ABCB4: variants seen among roughly 807,000 people sequenced by gnomAD.
ABCB4 encodes the protein ATP binding cassette subfamily B member 4, also known as phosphatidylcholine translocator ABCB4.
In ABCB4, 76 loss-of-function variants were observed where a neutral mutation model predicts 145.7. The ratio of observed to expected loss-of-function variants is 0.52; its 90% CI spans 0.43 to 0.63. ABCB4 has a LOEUF of 0.63. Among genes scored for constraint, ABCB4 ranks in the 30% least tolerant of loss-of-function variants. The probability of loss-of-function intolerance (pLI) is 0.00; values close to 1 mark genes in which losing one functional copy is unlikely to be tolerated. For missense variants in ABCB4, 1,234 were observed against 1,553.1 expected (o/e 0.79, Z 3.45); for synonymous variants, 517 against 566.8 (o/e 0.91, Z 1.25).
intron 4 of ABCB4, among the ~76,000 whole-genome samples, chr7:87,455,219 T>C (rs1032341300): frequency 6.6e-6 from 1 of 152,192 alleles, no homozygotes; most frequent in Non-Finnish European, 1.5e-5. Context: ...CCACCTCTTG[T>C]TTACCAGCAC....
chr7:87,462,687 A>C, intron 4 of ABCB4, 71 bp downstream of exon 4: 1 of 1,473,270 alleles, frequency 6.8e-7, no homozygotes, highest in South Asian at 1.1e-5. Context: ...TGAATAGCAA[A>C]ATCAACTCCC....
chr7:87,375,285 A>G, the ABCB4 span: 2,989 of 190,384 alleles, frequency 0.016, 104 homozygotes, highest in African/African-American at 0.066. Flanking sequence ...GATTACCAGG[A>G]TATTTTTCAA....
the ABCB4 span, chr7:87,381,927 A>G: frequency 6.2e-7 from 1 of 1,608,858 alleles, no homozygotes; most frequent in East Asian, 2.2e-5. Flanking sequence ...CTTTTGATGC[A>G]ATGATTATGG....
At chr7:87,400,610 C>T (rs1807739516), downstream of ABCB4, among the ~76,000 whole-genome samples, 1 of 152,122 alleles carries the variant, frequency 6.6e-6, no homozygotes. Flanking sequence ...ATAGCGAGGA[C>T]ATTTAGAATC....
rs1375011853 is a variant in ABCB4, at chr7:87,447,069, T to G, written c.970A>C (p.Ile324Leu). 1 of 1,613,614 alleles carries G rather than the reference T, an allele frequency of 6.2e-7. No individual in the cohort carries two copies. The highest frequency in any genetic ancestry group is 1.3e-5 in the African/African-American group (1 of 74,938). ...LAFWYGSTLV[I>L]SKEYTIGNAM... is the part of the protein sequence containing the mutation. ...TTTCCAATAGTATATTCTTTTGATA[T>G]GACTAGAGTGGATCCATACCAGAAG... Residue 324 changes from isoleucine to leucine, a missense_variant, in exon 9 of 28, where the codon ATA (isoleucine) becomes CTA (leucine). Physicochemically the swap from Ile to Leu is conservative, Grantham distance 5. Coordinates refer to ENST00000649586, the MANE Select transcript of ABCB4 (RefSeq NM_000443.4).
chr7:87,454,651 A>G, intron 4 of ABCB4, 59 bp from the exon 5 acceptor site: 1 of 1,247,154 alleles, frequency 8.0e-7, no homozygotes, highest in South Asian at 1.3e-5. Context: ...AGGCATTGCC[A>G]GGTTTTTAAA....
At chr7:87,436,505 T>C (rs1325617395) in intron 14 of ABCB4, among the ~76,000 whole-genome samples, 1 of 152,182 alleles carries the variant, frequency 6.6e-6, no homozygotes, top group Non-Finnish European at 1.5e-5. Context: ...TTCAGCTTAG[T>C]CTAAAAGAGA....
chr7:87,400,108 T>G (rs767028448), downstream of ABCB4, among the ~76,000 whole-genome samples: 11 of 152,158 alleles, frequency 7.2e-5, no homozygotes, highest in Non-Finnish European at 1.3e-4. Flanking sequence ...GTGAGAGTGT[T>G]CTGAGAGGTG....
chr7:87,377,538 G>T, the ABCB4 span: 24 of 739,176 alleles, frequency 3.2e-5, no homozygotes, highest in African/African-American at 4.3e-4. Flanking sequence ...GGGGAACAGT[G>T]TAAGTGAATA....
chr7:87,431,221 T>C (rs1294548852), intron 15 of ABCB4, among the ~76,000 whole-genome samples, 183 bp downstream of exon 15: 3 of 152,216 alleles, frequency 2.0e-5, no homozygotes, highest in African/African-American at 7.2e-5. Flanking sequence ...TTTGGCACTT[T>C]CCCCTATTTT....
chr7:87,417,714 A>T (rs746545991), intron 20 of ABCB4, among the ~76,000 whole-genome samples, 199 bp from the exon 21 acceptor site: 2 of 152,182 alleles, frequency 1.3e-5, no homozygotes, highest in African/African-American at 2.4e-5. Flanking sequence ...TTACACTCTC[A>T]TTCCTCTCCT....
chr7:87,418,038 C>T (rs1809111470), intron 20 of ABCB4, among the ~76,000 whole-genome samples: 1 of 152,230 alleles, frequency 6.6e-6, no homozygotes, highest in Non-Finnish European at 1.5e-5. Flanking sequence ...ATTCCTCCTT[C>T]TCCTGTTGTG....
In ABCB4 at chr7:87,447,148, T is replaced by C. The variant is rs775882427; in HGVS notation, c.891A>G (p.Ala297=). 1 of 1,614,108 alleles carries C rather than the reference T, an allele frequency of 6.2e-7. No individual in the cohort carries two copies. The highest frequency in any genetic ancestry group is 8.5e-7 in the Non-Finnish European group (1 of 1,179,980). ...KEIGIKKAIS[A]NISMGIAFLL... is the part of the protein sequence containing the mutation. Reference sequence around the variant, plus strand: ...GGAAGGCAATACCCATGGAAATGTTTGCTGAAATAGCTTTTTTAATTCCAA... The same window carrying C: ...GGAAGGCAATACCCATGGAAATGTTCGCTGAAATAGCTTTTTTAATTCCAA... Residue 297 remains alanine, a synonymous_variant, in exon 9 of 28, where the codon GCA becomes GCG. Coordinates refer to ENST00000649586, the MANE Select transcript of ABCB4 (RefSeq NM_000443.4).
intron 4 of ABCB4, among the ~76,000 whole-genome samples, chr7:87,457,552 T>C (rs1272336536): frequency 1.3e-5 from 2 of 152,206 alleles, no homozygotes; most frequent in African/African-American, 4.8e-5. Flanking sequence ...ATATAACCTA[T>C]CCATTTTACA....
intron 18 of ABCB4, 122 bp downstream of exon 18, chr7:87,421,999 C>A (rs1054347597): frequency 2.7e-6 from 2 of 744,942 alleles, no homozygotes; most frequent in Admixed American, 2.3e-5. Flanking sequence ...TCCAGCAGAG[C>A]CTTATGCCAA....
intron 8 of ABCB4, among the ~76,000 whole-genome samples, chr7:87,448,414 C>T (rs1349289195): frequency 6.6e-6 from 1 of 152,096 alleles, no homozygotes; most frequent in Non-Finnish European, 1.5e-5. Context: ...CGTAAAGCAC[C>T]CAGGTCTTCA....
the ABCB4 span, among the ~76,000 whole-genome samples, chr7:87,378,261 G>A: frequency 2.7e-5 from 4 of 148,932 alleles, no homozygotes; most frequent in Admixed American, 6.9e-5. Context: ...TAGGAGGATC[G>A]CTTGAACCTG....
chr7:87,420,825 C>T (rs1481716901), intron 18 of ABCB4, among the ~76,000 whole-genome samples: 1 of 152,110 alleles, frequency 6.6e-6, no homozygotes, highest in African/African-American at 2.4e-5. Context: ...GTTTATTTTT[C>T]AAAACTTTGA....
At chr7:87,446,116 C>T (rs1409716572) in intron 9 of ABCB4, among the ~76,000 whole-genome samples, 1 of 152,148 alleles carries the variant, frequency 6.6e-6, no homozygotes, top group Admixed American at 6.5e-5. Flanking sequence ...TTAATGAGGG[C>T]TCACCAAGTC....
Sources: gnomAD v4.1 joint callset for allele counts (sites outside exome capture counted in the v4.1 genomes callset) on GRCh38, gnomAD v4.1.1 for gene constraint, MANE v1.5 for transcripts, NCBI Gene and HGNC (gene_info 2026-07-23, HGNC 2026-07-21) for gene names.